PDE8A: variants seen among roughly 807,000 people sequenced by gnomAD.
PDE8A encodes the protein phosphodiesterase 8A, also known as high affinity cAMP-specific and IBMX-insensitive 3',5'-cyclic phosphodiesterase 8A.
PDE8A carries 59 observed loss-of-function variants against 105.0 expected under a neutral mutation model. The ratio of observed to expected loss-of-function variants is 0.56; its 90% confidence interval spans 0.46 to 0.70. The LOEUF is 0.70. Ranked by LOEUF, PDE8A falls within the 30% of genes least tolerant of loss-of-function variation. The probability of loss-of-function intolerance (pLI) is 0.00; values close to 1 mark genes in which losing one functional copy is unlikely to be tolerated. For missense variants in PDE8A, 1,014 were observed against 1,045.9 expected (o/e 0.97, Z 0.42); for synonymous variants, 355 against 371.9 (o/e 0.95, Z 0.52).
At position 85,104,182 on chromosome 15, in the gene PDE8A, A is replaced by G. The variant is rs866787339; in HGVS notation, c.1036+3984A>G. ...GCCTGACTGTAAGCATACAGAAATGAACATGAGTTTCGCTGTCTGGTGGCA... is the reference window on the plus strand; with the variant it reads ...GCCTGACTGTAAGCATACAGAAATGGACATGAGTTTCGCTGTCTGGTGGCA... On this transcript the variant is annotated intron_variant, in intron 11 of 21. Transcript: ENST00000394553. Among the ~76,000 whole-genome samples the G allele has an allele frequency of 7.6e-4, 116 of 152,242 alleles. 2 individuals carry two copies. Among genetic ancestry groups the G allele is most frequent in the African/African-American group, 2.7e-3 (113 of 41,470 alleles).
chr15:85,055,493 C>T (rs1215869294), intron 1 of PDE8A, among the ~76,000 whole-genome samples: 1 of 152,166 alleles, frequency 6.6e-6, no homozygotes, highest in African/African-American at 2.4e-5. Context: ...TCTGGGTGCT[C>T]CTGTATTGGG....
chr15:85,014,966 A>G (rs944228861), intron 1 of PDE8A, among the ~76,000 whole-genome samples: 13 of 151,966 alleles, frequency 8.6e-5, no homozygotes, highest in African/African-American at 3.1e-4. Flanking sequence ...GGCAACCACT[A>G]ATCTATTTTC....
At chr15:85,069,944 G>A (rs890335052) in intron 3 of PDE8A, among the ~76,000 whole-genome samples, 1 of 152,102 alleles carries the variant, frequency 6.6e-6, no homozygotes, top group Non-Finnish European at 1.5e-5. Flanking sequence ...AATCAGTTTT[G>A]TCTTCATTCT....
At chr15:85,032,365 C>T (rs1362231340) in intron 1 of PDE8A, among the ~76,000 whole-genome samples, 3 of 152,144 alleles carry the variant, frequency 2.0e-5, no homozygotes, top group African/African-American at 7.2e-5. Context: ...TTTTCTCTAT[C>T]TTGTAAATGA....
At chr15:85,074,854 T>C (rs1205143334) in intron 3 of PDE8A, among the ~76,000 whole-genome samples, 3 of 152,226 alleles carry the variant, frequency 2.0e-5, no homozygotes, top group African/African-American at 4.8e-5. Flanking sequence ...CAGTCTTGAC[T>C]GGTTTCTGTG....
intron 1 of PDE8A, among the ~76,000 whole-genome samples, chr15:85,038,542 G>A (rs773642507): frequency 6.6e-6 from 1 of 152,134 alleles, no homozygotes; most frequent in African/African-American, 2.4e-5. Flanking sequence ...GAAACAATTA[G>A]CAGCATGGAG....
chr15:85,021,824 A>G (rs1194876702), intron 1 of PDE8A, among the ~76,000 whole-genome samples: 23 of 152,104 alleles, frequency 1.5e-4, no homozygotes, highest in Admixed American at 1.4e-3. Flanking sequence ...TTTTCTTGTG[A>G]TAGATTCAGG....
intron 1 of PDE8A, among the ~76,000 whole-genome samples, chr15:84,991,170 C>T (rs930034002): frequency 2.6e-5 from 4 of 151,962 alleles, no homozygotes; most frequent in African/African-American, 7.3e-5. Context: ...AATTCAACTA[C>T]GTTAAAATAA....
At chr15:85,117,892 C>G (rs1019947028) in intron 17 of PDE8A, 53 bp downstream of exon 17, 72 of 1,380,778 alleles carry the variant, frequency 5.2e-5, no homozygotes, top group Non-Finnish European at 6.7e-5. Context: ...TGGGGAGAGT[C>G]TAGTGCTTCT....
chr15:85,113,855 T>G lies in PDE8A; in HGVS notation c.1186-18T>G, dbSNP rs1377742601. 1.3e-6 allele frequency: 2 copies of G among 1,598,182 alleles called. No homozygotes were observed. The highest frequency in any genetic ancestry group is 8.6e-7 in the Non-Finnish European group (1 of 1,168,384). On this transcript the variant is annotated intron_variant, in intron 13 of 21. Transcript: ENST00000394553. ...TTTTAAGGTTATGAAACTCAAGTAT[T>G]TTCTTTCCATAATGTAGGTAATCAA...
At chr15:85,095,500 C>T (rs1050421447) in intron 8 of PDE8A, among the ~76,000 whole-genome samples, 3 of 151,840 alleles carry the variant, frequency 2.0e-5, no homozygotes, top group African/African-American at 7.3e-5. Context: ...CCTACCAGCA[C>T]GCCTGGCTAA....
At chr15:85,132,033 G>A (rs2082337042) in intron 20 of PDE8A, among the ~76,000 whole-genome samples, 1 of 152,128 alleles carries the variant, frequency 6.6e-6, no homozygotes, top group African/African-American at 2.4e-5. Context: ...TTGACTGTTT[G>A]GTTATAGTGT....
At chr15:85,008,315 A>G (rs2080181956) in intron 1 of PDE8A, among the ~76,000 whole-genome samples, 2 of 151,850 alleles carry the variant, frequency 1.3e-5, no homozygotes, top group African/African-American at 2.4e-5. Context: ...GGTTAATTAT[A>G]TTTGCTTCAA....
At chr15:85,100,323 C>G in intron 11 of PDE8A, 125 bp downstream of exon 11, 1 of 790,092 alleles carries the variant, frequency 1.3e-6, no homozygotes, top group Non-Finnish European at 2.0e-6. Flanking sequence ...CAACATTTCT[C>G]TCCTTGACTC....
Position 84,982,174 on chromosome 15 carries a change from C to A in PDE8A, c.12C>A (p.Ala4=). The change falls in exon 1 of 22, where the codon GCC becomes GCA. Residue 4 remains alanine, a synonymous_variant. Coordinates refer to ENST00000394553, the MANE Select transcript of PDE8A (RefSeq NM_002605.3). ...GCGCCGCCGCCAGCATGGGCTGTGC[C>A]CCGAGCATCCACATTTCCGAGCGCC... The part of the protein sequence containing the change: MGC[A]PSIHISERLV... 2 of 1,477,346 alleles carry A rather than the reference C, an allele frequency of 1.4e-6. No individual in the cohort carries two copies. Among genetic ancestry groups the A allele is most frequent in the South Asian group, 1.3e-5 (1 of 77,834 alleles). The allele number at this position is 1,477,346 out of a possible 1,614,324, so 91.5% of individuals were successfully genotyped here. A position where few individuals can be genotyped will look rare whatever the true frequency, so the allele number is the denominator to read the frequency against.
At chr15:85,005,200 G>C (rs2080126546) in intron 1 of PDE8A, among the ~76,000 whole-genome samples, 1 of 152,018 alleles carries the variant, frequency 6.6e-6, no homozygotes, top group East Asian at 1.9e-4. Context: ...ATCACAGCTT[G>C]AGCTCCTGGG....
chr15:85,136,464 G>C, intron 20 of PDE8A, 70 bp from the exon 21 acceptor site: 1 of 1,522,528 alleles, frequency 6.6e-7, no homozygotes, highest in Non-Finnish European at 8.9e-7. Context: ...CTCTTCCTGG[G>C]GGAGGGGCTG....
At chr15:84,980,965 G>T (rs995322169), upstream of PDE8A, among the ~76,000 whole-genome samples, 1 of 152,206 alleles carries the variant, frequency 6.6e-6, no homozygotes, top group Non-Finnish European at 1.5e-5. Context: ...GGCTTCTCGC[G>T]GACGCCCAGG....
chr15:85,014,075 G>T (rs1365257622), intron 1 of PDE8A, among the ~76,000 whole-genome samples: 1 of 152,116 alleles, frequency 6.6e-6, no homozygotes, highest in East Asian at 1.9e-4. Context: ...TTGATTCAGG[G>T]TGGAGATGAT....
Sources: gnomAD v4.1 joint callset for allele counts (sites outside exome capture counted in the v4.1 genomes callset) on GRCh38, gnomAD v4.1.1 for gene constraint, MANE v1.5 for transcripts, NCBI Gene and HGNC (gene_info 2026-07-23, HGNC 2026-07-21) for gene names.